PALLD: variants seen among roughly 807,000 people sequenced by gnomAD.
PALLD encodes palladin.
PALLD carries 61 observed loss-of-function variants against 123.5 expected under a neutral mutation model. The observed-to-expected ratio is 0.49, with a 90% CI of 0.40 to 0.61. The LOEUF (loss-of-function observed/expected upper bound fraction) is 0.61. PALLD is among the 20% of genes least tolerant of loss of function. The pLI is 0.00. For synonymous variants in PALLD, 465 were observed against 496.4 expected, an observed-to-expected ratio of 0.94 and a Z score of 0.84; for missense variants, 1,273 against 1,377.0, an observed-to-expected ratio of 0.92 and a Z score of 1.20.
At chr4:168,740,568 C>A (rs1788226163) in intron 10 of PALLD, among the ~76,000 whole-genome samples, 1 of 151,978 alleles carries the variant, frequency 6.6e-6, no homozygotes, top group Admixed American at 6.6e-5. Context: ...AATAATTAAG[C>A]CTGAGACTAC....
At chr4:168,609,952 C>A (rs749448593) in intron 2 of PALLD, among the ~76,000 whole-genome samples, 2 of 152,204 alleles carry the variant, frequency 1.3e-5, no homozygotes, top group Non-Finnish European at 2.9e-5. Flanking sequence ...TCCTTTAGAG[C>A]TAGCTCTGCA....
intron 10 of PALLD, among the ~76,000 whole-genome samples, chr4:168,772,745 C>T (rs558186538): frequency 1.3e-5 from 2 of 152,188 alleles, no homozygotes; most frequent in East Asian, 3.9e-4. Flanking sequence ...TTCCAGGGCT[C>T]AGCACTAGTG....
At position 168,691,261 on chromosome 4, in the gene PALLD, G is replaced by A. The variant is rs773328414; in HGVS notation, c.1478-8G>A. 1.2e-6 allele frequency: 2 copies of A among 1,606,802 alleles called. No individual in the cohort carries two copies. The highest frequency in any genetic ancestry group is 1.1e-5 in the South Asian group (1 of 90,512). ...TGTTCTAATTTATTTTTTTCATGTG[G>A]CAAACAGAACCTAGATCTACAGCTG... On this transcript the variant is annotated splice_polypyrimidine_tract_variant and splice_region_variant and intron_variant, in intron 7 of 21. Transcript: ENST00000505667.
chr4:168,563,388 C>T (rs1268932350), intron 2 of PALLD, among the ~76,000 whole-genome samples: 1 of 152,188 alleles, frequency 6.6e-6, no homozygotes, highest in Non-Finnish European at 1.5e-5. Flanking sequence ...TTTAAAGACA[C>T]ATAGACCATA....
intron 10 of PALLD, among the ~76,000 whole-genome samples, chr4:168,727,824 G>T (rs1786746771): frequency 6.6e-6 from 1 of 152,102 alleles, no homozygotes; most frequent in Non-Finnish European, 1.5e-5. Context: ...TTTTCTTCTA[G>T]GATTGTTATA....
chr4:168,750,662 C>T (rs1055436174), intron 10 of PALLD, among the ~76,000 whole-genome samples: 7 of 152,132 alleles, frequency 4.6e-5, no homozygotes, highest in African/African-American at 9.7e-5. Context: ...GATTTTTCTT[C>T]CAACTGCAAG....
chr4:168,697,473 TC>T (rs1388045476), intron 8 of PALLD, among the ~76,000 whole-genome samples: 1 of 152,198 alleles, frequency 6.6e-6, no homozygotes, highest in East Asian at 1.9e-4. Flanking sequence ...AATGAGGCTT[TC>T]ATCATTAGGA....
At position 168,927,638 on chromosome 4, in the gene PALLD, T is replaced by C. The variant is rs1283401407; in HGVS notation, c.*1458T>C. On this transcript the variant is annotated 3_prime_UTR_variant, in exon 22 of 22. Transcript: ENST00000505667. The stretch of plus-strand genomic sequence containing the variant: ...AGATGTGGTAAATGAAAATTATTAG[T>C]TCACTTCCCTGCTGCCATGAAACTT... The C allele has an allele frequency of 8.8e-6, 2 of 226,678 alleles. No homozygotes were observed. Among genetic ancestry groups the C allele is most frequent in the Non-Finnish European group, 1.8e-5 (2 of 113,802 alleles). The allele number at this position is 226,678 out of a possible 1,614,324, so 14.0% of individuals were successfully genotyped here. A position where few individuals can be genotyped will look rare whatever the true frequency, so the allele number is the denominator to read the frequency against.
intron 10 of PALLD, among the ~76,000 whole-genome samples, chr4:168,847,337 T>TTC (rs1482896504): frequency 2.2e-4 from 33 of 152,174 alleles, no homozygotes; most frequent in African/African-American, 8.0e-4. Context: ...AAGAATGGTT[T>TTC]ATACTATGGA....
In PALLD at chr4:168,894,071, G is replaced by A. The variant is rs1754605595; in HGVS notation, c.2101-508G>A. 2.8e-5 allele frequency: 5 copies of A among 180,002 alleles called. No homozygotes were observed. The South Asian group carries it at 6.0e-4, about 21-fold the overall frequency. The allele number at this position is 180,002 out of a possible 1,614,324, so 11.2% of individuals were successfully genotyped here. Reference sequence around the variant, plus strand: ...ATCTTCCTTTAGCTAAACATTTACTGAGCACATACTGTTAAATGACTGATA... The same window carrying A: ...ATCTTCCTTTAGCTAAACATTTACTAAGCACATACTGTTAAATGACTGATA... On this transcript the variant is annotated intron_variant, in intron 11 of 21. Transcript: ENST00000505667.
intron 10 of PALLD, among the ~76,000 whole-genome samples, chr4:168,835,917 G>C (rs1745117245): frequency 6.6e-6 from 1 of 152,164 alleles, no homozygotes; most frequent in African/African-American, 2.4e-5. Flanking sequence ...AAAAGACATG[G>C]AGATAAAATG....
chr4:168,662,906 C>T (rs568307377), intron 2 of PALLD, among the ~76,000 whole-genome samples: 3 of 152,306 alleles, frequency 2.0e-5, no homozygotes, highest in Admixed American at 2.0e-4. Flanking sequence ...TAATCAGCTA[C>T]ATGAAGAGTG....
intron 10 of PALLD, among the ~76,000 whole-genome samples, chr4:168,759,570 T>C (rs969659544): frequency 1.3e-5 from 2 of 151,918 alleles, no homozygotes; most frequent in African/African-American, 2.4e-5. Context: ...CTTTGTTCCT[T>C]TGGGGAAAGA....
chr4:168,667,445 T>C (rs1779762527), intron 2 of PALLD, among the ~76,000 whole-genome samples: 1 of 152,096 alleles, frequency 6.6e-6, no homozygotes, highest in Non-Finnish European at 1.5e-5. Context: ...CTTGGTAAAA[T>C]GTAAAGGCCA....
At position 168,537,209 on chromosome 4, in the gene PALLD, A is replaced by G. The variant is rs547357308; in HGVS notation, c.908+24797A>G. ...AGGATATGCCTTTCCAATTTCATTA[A>G]GTTGCTTAGGGTGAGAACACAGGAC... On this transcript the variant is annotated intron_variant, in intron 2 of 21. Coordinates refer to ENST00000505667, the MANE Select transcript of PALLD (RefSeq NM_001166108.2). Among the ~76,000 whole-genome samples, 10 of 152,338 alleles carry G rather than the reference A, an allele frequency of 6.6e-5. No individual in the cohort carries two copies. The East Asian group carries it at 1.9e-3, about 29-fold the overall frequency.
At chr4:168,834,859 G>A (rs1447920167) in intron 10 of PALLD, among the ~76,000 whole-genome samples, 1 of 152,048 alleles carries the variant, frequency 6.6e-6, no homozygotes, top group Non-Finnish European at 1.5e-5. Context: ...ACCTTTGAGG[G>A]TAGTTGCATT....
At chr4:168,591,690 C>G (rs1580464883) in intron 2 of PALLD, among the ~76,000 whole-genome samples, 1 of 152,112 alleles carries the variant, frequency 6.6e-6, no homozygotes, top group Non-Finnish European at 1.5e-5. Context: ...TCTTTTTAAA[C>G]TGTACTTTGA....
rs373079281 is a variant in PALLD, at chr4:168,559,920, A to AAG, written c.908+47523_908+47524dup. 5.2e-4 allele frequency among the ~76,000 whole-genome samples: 78 copies of AAG among 150,876 alleles called. 1 individual carries two copies. Among genetic ancestry groups the AAG allele is most frequent in the African/African-American group, 7.8e-4 (32 of 41,232 alleles). On this transcript the variant is annotated intron_variant, in intron 2 of 21. Transcript: ENST00000505667. ...AAAGAGAGAGAGAAAAAAAAAGAGA[A>AAG]AGAGAGAGAGAGAGAGCATGCAAGC... is the stretch of plus-strand genomic sequence containing the variant.
intron 2 of PALLD, among the ~76,000 whole-genome samples, chr4:168,553,487 A>G (rs559428989): frequency 4.6e-4 from 70 of 152,328 alleles, no homozygotes; most frequent in African/African-American, 1.6e-3. Context: ...GGATTCAGAA[A>G]AATTAAGTTA....
Sources: gnomAD v4.1 joint callset for allele counts (sites outside exome capture counted in the v4.1 genomes callset) on GRCh38, gnomAD v4.1.1 for gene constraint, MANE v1.5 for transcripts, NCBI Gene and HGNC (gene_info 2026-07-23, HGNC 2026-07-21) for gene names.